LAMA2: variants seen among roughly 807,000 people sequenced by gnomAD.
LAMA2 encodes laminin subunit alpha 2.
A neutral mutation model predicts 364.8 loss-of-function variants in LAMA2; 269 were observed. The ratio of observed to expected loss-of-function variants is 0.74; its 90% CI spans 0.67 to 0.82. LAMA2 has a LOEUF of 0.82. Ranked by LOEUF, LAMA2 falls within the 40% of genes least tolerant of loss-of-function variation. LAMA2 has a pLI of 0.00. For missense variants in LAMA2, 3,807 were observed against 3,873.2 expected (o/e 0.98, Z 0.45); for synonymous variants, 1,379 against 1,370.6 (o/e 1.01, Z -0.14).
chr6:128,968,491 A>G (rs1339132852), intron 1 of LAMA2, among the ~76,000 whole-genome samples: 1 of 152,210 alleles, frequency 6.6e-6, no homozygotes, highest in Non-Finnish European at 1.5e-5. Flanking sequence ...TAAGGATGGG[A>G]AGAAATGAAA....
At chr6:129,288,245 T>C (rs1193063445) in intron 19 of LAMA2, among the ~76,000 whole-genome samples, 187 bp downstream of exon 19, 1 of 152,182 alleles carries the variant, frequency 6.6e-6, no homozygotes, top group East Asian at 1.9e-4. Context: ...AGTAAATACC[T>C]TTAAAATTGC....
chr6:129,224,939 T>C (rs886330678), intron 12 of LAMA2, among the ~76,000 whole-genome samples: 1 of 152,234 alleles, frequency 6.6e-6, no homozygotes, highest in Admixed American at 6.5e-5. Flanking sequence ...TCTGGTAGAA[T>C]TCGGCTGTGA....
intron 1 of LAMA2, among the ~76,000 whole-genome samples, chr6:129,011,187 C>T (rs146374776): frequency 1.8e-3 from 281 of 152,248 alleles, no homozygotes; most frequent in Non-Finnish European, 2.4e-3. Context: ...CTTTGCAAAC[C>T]GACTTACTAT....
chr6:129,446,146 G>GA (rs967901823), intron 45 of LAMA2, among the ~76,000 whole-genome samples: 2 of 151,926 alleles, frequency 1.3e-5, no homozygotes, highest in African/African-American at 4.8e-5. Flanking sequence ...AGCCATGGAT[G>GA]AGAGTACCTT....
chr6:128,905,037 G>A (rs185706566), intron 1 of LAMA2, among the ~76,000 whole-genome samples: 38 of 152,098 alleles, frequency 2.5e-4, no homozygotes, highest in Admixed American at 8.5e-4. Flanking sequence ...AATTTTAGTC[G>A]GATATTGGTT....
At chr6:128,996,603 G>A (rs1458055734) in intron 1 of LAMA2, among the ~76,000 whole-genome samples, 1 of 152,158 alleles carries the variant, frequency 6.6e-6, no homozygotes. Context: ...TTAGAATGGC[G>A]ATCATTAAAA....
At chr6:129,108,963 TA>T (rs1775985984) in intron 4 of LAMA2, among the ~76,000 whole-genome samples, 1 of 152,148 alleles carries the variant, frequency 6.6e-6, no homozygotes, top group East Asian at 1.9e-4. Flanking sequence ...AGAAGCTACT[TA>T]AAAAGTGTTT....
chr6:129,446,237 A>G (rs1354442480), intron 45 of LAMA2, among the ~76,000 whole-genome samples: 1 of 151,974 alleles, frequency 6.6e-6, no homozygotes, highest in Non-Finnish European at 1.5e-5. Flanking sequence ...ACAGAATAAG[A>G]GCAAAGAGAA....
At chr6:128,979,988 G>C (rs375412074) in intron 1 of LAMA2, among the ~76,000 whole-genome samples, 41 of 152,308 alleles carry the variant, frequency 2.7e-4, no homozygotes, top group Non-Finnish European at 5.1e-4. Context: ...GCTAGGTTAT[G>C]CTGCAATAAT....
intron 4 of LAMA2, among the ~76,000 whole-genome samples, chr6:129,126,954 C>T (rs907008309): frequency 1.4e-4 from 21 of 152,074 alleles, no homozygotes; most frequent in African/African-American, 3.6e-4. Context: ...GTAGTCCCAG[C>T]GACTTCGGAG....
At chr6:129,011,992 G>C (rs1784797308) in intron 1 of LAMA2, among the ~76,000 whole-genome samples, 2 of 152,096 alleles carry the variant, frequency 1.3e-5, no homozygotes, top group Non-Finnish European at 2.9e-5. Context: ...GAGGCACTGG[G>C]CTCTTCTACT....
chr6:128,954,916 T>G (rs1046592219), intron 1 of LAMA2, among the ~76,000 whole-genome samples: 3 of 151,900 alleles, frequency 2.0e-5, no homozygotes, highest in Non-Finnish European at 4.4e-5. Context: ...TAATGGGCTT[T>G]CTTTGGTATG....
At position 129,134,554 on chromosome 6, in the gene LAMA2, G is replaced by A. The variant is rs574652225; in HGVS notation, c.640-9347G>A. ...GACAGTTTTTCCATGGAATTGACAGGGGGGATGGGGAGTGGGGATGGGTTT... is the reference window on the plus strand; with the variant it reads ...GACAGTTTTTCCATGGAATTGACAGAGGGGATGGGGAGTGGGGATGGGTTT... On this transcript the variant is annotated intron_variant, in intron 4 of 64. Coordinates refer to ENST00000421865, the MANE Select transcript of LAMA2 (RefSeq NM_000426.4). Among the ~76,000 whole-genome samples, 16 of 152,290 alleles carry A rather than the reference G, an allele frequency of 1.1e-4. 1 individual carries two copies. The highest frequency in any genetic ancestry group is 3.4e-4 in the African/African-American group (14 of 41,554).
intron 18 of LAMA2, among the ~76,000 whole-genome samples, chr6:129,284,963 C>A (rs1185399906): frequency 5.9e-5 from 9 of 152,068 alleles, no homozygotes; most frequent in Non-Finnish European, 8.8e-5. Context: ...TCTAGCAAGG[C>A]ATTCATTCGA....
At chr6:129,259,164 G>A (rs1486408505) in intron 14 of LAMA2, among the ~76,000 whole-genome samples, 2 of 152,030 alleles carry the variant, frequency 1.3e-5, no homozygotes, top group African/African-American at 4.8e-5. Flanking sequence ...GGGGGTAAAA[G>A]CAATGAAAAT....
At chr6:129,274,743 A>G (rs1788183110) in intron 17 of LAMA2, among the ~76,000 whole-genome samples, 1 of 151,994 alleles carries the variant, frequency 6.6e-6, no homozygotes, top group Non-Finnish European at 1.5e-5. Flanking sequence ...TATTCTAGCT[A>G]TAGGTTGTAA....
intron 1 of LAMA2, among the ~76,000 whole-genome samples, chr6:128,920,915 C>T (rs1778668765): frequency 6.6e-6 from 1 of 152,070 alleles, no homozygotes; most frequent in South Asian, 2.1e-4. Context: ...TATTGAATAT[C>T]AAGAAAGGAA....
At chr6:128,942,869 G>A (rs1436019348) in intron 1 of LAMA2, among the ~76,000 whole-genome samples, 3 of 152,160 alleles carry the variant, frequency 2.0e-5, no homozygotes, top group African/African-American at 7.2e-5. Flanking sequence ...ACCGAAAAGT[G>A]TGGGAGCTGA....
chr6:129,196,321 A>G (rs1232858412), intron 12 of LAMA2, among the ~76,000 whole-genome samples: 1 of 152,186 alleles, frequency 6.6e-6, no homozygotes, highest in Non-Finnish European at 1.5e-5. Flanking sequence ...TTAAAGCTAT[A>G]GATTTGAAGA....
Sources: gnomAD v4.1 joint callset for allele counts (sites outside exome capture counted in the v4.1 genomes callset) on GRCh38, gnomAD v4.1.1 for gene constraint, MANE v1.5 for transcripts, NCBI Gene and HGNC (gene_info 2026-07-23, HGNC 2026-07-21) for gene names.